MB21D2: variants seen among roughly 807,000 people sequenced by gnomAD.
The protein encoded by MB21D2 is Mab-21 domain containing 2.
MB21D2 carries 9 observed loss-of-function variants against 33.3 expected under a neutral mutation model. The ratio of observed to expected loss-of-function variants is 0.27; its 90% confidence interval spans 0.16 to 0.47. MB21D2 has a LOEUF of 0.47. MB21D2 is among the 20% of genes least tolerant of loss of function. The pLI is 0.99. For synonymous variants in MB21D2, 241 were observed against 236.3 expected (o/e 1.02, Z -0.18); for missense variants, 540 against 624.6 (o/e 0.86, Z 1.44).
At chr3:192,815,901 C>A (rs935045054) in intron 1 of MB21D2, among the ~76,000 whole-genome samples, 10 of 152,250 alleles carry the variant, frequency 6.6e-5, no homozygotes, top group Admixed American at 2.0e-4. Flanking sequence ...CCAGCCGAAT[C>A]CTTAAGGACA....
At position 192,815,090 on chromosome 3, in the gene MB21D2, T is replaced by C. The variant is rs576783646; in HGVS notation, c.212-15440A>G. The stretch of plus-strand genomic sequence containing the variant: ...AATAAGAGTTTCTTTAATTTCATAG[T>C]ATTAAAGGATGTTGTTTGAATAAGT... On this transcript the variant is annotated intron_variant, in intron 1 of 1. Transcript: ENST00000392452. Among the ~76,000 whole-genome samples, 25 of 152,290 alleles carry C rather than the reference T, an allele frequency of 1.6e-4. No homozygotes were observed. The South Asian group carries it at 4.8e-3, about 29-fold the overall frequency.
chr3:192,903,086 C>T (rs1714138161), intron 1 of MB21D2, among the ~76,000 whole-genome samples: 1 of 152,238 alleles, frequency 6.6e-6, no homozygotes, highest in East Asian at 1.9e-4. Context: ...GAACTTCAAA[C>T]TACAAGGTGG....
chr3:192,824,848 T>C (rs540267084), intron 1 of MB21D2, among the ~76,000 whole-genome samples: 1 of 152,334 alleles, frequency 6.6e-6, no homozygotes, highest in Admixed American at 6.5e-5. Context: ...AAATTTTTTT[T>C]CCTCTTCTAT....
intron 1 of MB21D2, among the ~76,000 whole-genome samples, chr3:192,879,399 C>A (rs1351775184): frequency 6.6e-6 from 1 of 152,242 alleles, no homozygotes; most frequent in South Asian, 2.1e-4. Flanking sequence ...TCCACCAATA[C>A]TCCCCAGCAT....
chr3:192,827,413 C>T lies in MB21D2; in HGVS notation c.212-27763G>A, dbSNP rs7626121. 6.5e-3 allele frequency among the ~76,000 whole-genome samples: 985 copies of T among 152,174 alleles called. 20 individuals carry two copies. The highest frequency in any genetic ancestry group is 0.023 in the African/African-American group (942 of 41,472). The stretch of plus-strand genomic sequence containing the variant: ...TCCCTGGGCTGGCTCACCTCCACGA[C>T]GGGAACAATGATTGTGAGGGTTTAA... On this transcript the variant is annotated intron_variant, in intron 1 of 1. Transcript: ENST00000392452.
At chr3:192,864,392 G>A (rs1457251458) in intron 1 of MB21D2, among the ~76,000 whole-genome samples, 6 of 152,142 alleles carry the variant, frequency 3.9e-5, no homozygotes, top group Non-Finnish European at 8.8e-5. Context: ...TACTGTTATT[G>A]CAGAAATGGG....
chr3:192,834,808 T>TC (rs1491123089), intron 1 of MB21D2, among the ~76,000 whole-genome samples: 1 of 141,392 alleles, frequency 7.1e-6, no homozygotes, highest in Non-Finnish European at 1.5e-5. Flanking sequence ...AGAGGATTGT[T>TC]CTTTTTTTTT....
rs1711517758 is a variant in MB21D2, at chr3:192,799,768, C to G, written c.212-118G>C. Reference sequence around the variant, plus strand: ...CCAAAACTCATTATCAGTACTAAATCAAATCTCAGGCTGCTGCAGAGACCT... The same window carrying G: ...CCAAAACTCATTATCAGTACTAAATGAAATCTCAGGCTGCTGCAGAGACCT... On this transcript the variant is annotated intron_variant, in intron 1 of 1. Coordinates refer to ENST00000392452, the MANE Select transcript of MB21D2 (RefSeq NM_178496.4). This position sits in a 1 kb window ranked among gnomAD's most constrained non-coding sequence, Gnocchi z 4.1. 8.9e-7 allele frequency: 1 copy of G among 1,119,174 alleles called. No homozygotes were observed. The highest frequency in any genetic ancestry group is 1.2e-6 in the Non-Finnish European group (1 of 809,022). The allele number at this position is 1,119,174 out of a possible 1,614,324, so 69.3% of individuals were successfully genotyped here.
chr3:192,898,441 T>C (rs1714024830), intron 1 of MB21D2, among the ~76,000 whole-genome samples: 1 of 152,202 alleles, frequency 6.6e-6, no homozygotes, highest in Admixed American at 6.5e-5. Flanking sequence ...GTCAGTCTTA[T>C]AATTTCATGA....
chr3:192,906,209 C>T (rs1271058006), intron 1 of MB21D2, among the ~76,000 whole-genome samples: 1 of 152,104 alleles, frequency 6.6e-6, no homozygotes, highest in Non-Finnish European at 1.5e-5. Context: ...AATCACATGG[C>T]GACAGAGGGC....
At chr3:192,825,693 A>G (rs1373753475) in intron 1 of MB21D2, among the ~76,000 whole-genome samples, 1 of 152,168 alleles carries the variant, frequency 6.6e-6, no homozygotes, top group Non-Finnish European at 1.5e-5. Flanking sequence ...TCAATTACTT[A>G]GTATGTAGAT....
intron 1 of MB21D2, among the ~76,000 whole-genome samples, chr3:192,844,083 C>T (rs1269552467): frequency 6.6e-6 from 1 of 152,164 alleles, no homozygotes; most frequent in African/African-American, 2.4e-5. Context: ...TTTTTTCTTT[C>T]TAGTTCTGCC....
chr3:192,806,339 T>C (rs969849125), intron 1 of MB21D2, among the ~76,000 whole-genome samples: 5 of 152,234 alleles, frequency 3.3e-5, no homozygotes, highest in African/African-American at 4.8e-5. Context: ...GTCCCATAGC[T>C]GACCTTGTGG....
chr3:192,897,418 C>T (rs1163440658), intron 1 of MB21D2, among the ~76,000 whole-genome samples: 1 of 152,078 alleles, frequency 6.6e-6, no homozygotes, highest in Non-Finnish European at 1.5e-5. Flanking sequence ...TTTTGAGTTC[C>T]CATTTTACCA....
At position 192,799,722 on chromosome 3, in the gene MB21D2, A is replaced by C; in HGVS notation, c.212-72T>G. 6.8e-7 allele frequency: 1 copy of C among 1,467,258 alleles called. No homozygotes were observed. The highest frequency in any genetic ancestry group is 2.4e-5 in the East Asian group (1 of 41,786). 90.9% of individuals were successfully genotyped at this position (1,467,258 alleles called of 1,614,324 possible). A position where few individuals can be genotyped will look rare whatever the true frequency, so the allele number is the denominator to read the frequency against. ...CATAAGAGTCTTATGCATGAAACAGAATGCTCTGATGTTCCAAGAACCAAA... is the reference window on the plus strand; with the variant it reads ...CATAAGAGTCTTATGCATGAAACAGCATGCTCTGATGTTCCAAGAACCAAA... On this transcript the variant is annotated intron_variant, in intron 1 of 1. Coordinates refer to ENST00000392452, the MANE Select transcript of MB21D2 (RefSeq NM_178496.4). The surrounding 1 kb of genome is among the most constrained non-coding windows in gnomAD (Gnocchi z 4.1).
At chr3:192,851,593 C>T (rs892708316) in intron 1 of MB21D2, among the ~76,000 whole-genome samples, 1 of 141,716 alleles carries the variant, frequency 7.1e-6, no homozygotes, top group African/African-American at 2.6e-5. Flanking sequence ...CTCCCGGATT[C>T]AAGCGATTCT....
intron 1 of MB21D2, among the ~76,000 whole-genome samples, chr3:192,845,519 G>A (rs1447054982): frequency 5.9e-5 from 9 of 152,198 alleles, no homozygotes; most frequent in African/African-American, 1.9e-4. Flanking sequence ...TCACAAGACC[G>A]AAGAGTCACA....
intron 1 of MB21D2, among the ~76,000 whole-genome samples, chr3:192,857,055 C>T (rs1712932984): frequency 6.6e-6 from 1 of 152,144 alleles, no homozygotes; most frequent in Non-Finnish European, 1.5e-5. Flanking sequence ...ATTACAGCTG[C>T]TATGACTGCA....
At chr3:192,895,271 C>T (rs766894281) in intron 1 of MB21D2, among the ~76,000 whole-genome samples, 1 of 152,216 alleles carries the variant, frequency 6.6e-6, no homozygotes, top group Admixed American at 6.5e-5. Context: ...AATCTTAAAT[C>T]TCACATGCAG....
Sources: allele counts gnomAD v4.1 joint callset (sites outside exome capture counted in the v4.1 genomes callset), GRCh38; gene constraint gnomAD v4.1.1; non-coding constraint Gnocchi (gnomAD v3.1); transcripts MANE v1.5; gene names NCBI Gene and HGNC (gene_info 2026-07-23, HGNC 2026-07-21).